The following TCF12 variants were observed in gnomAD, a reference collection of about 807,000 sequenced individuals.
TCF12 encodes the protein DNA-binding protein HTF4.
Under a neutral mutation model 86.0 loss-of-function variants are expected in TCF12, and 45 were observed. That is an observed-to-expected ratio of 0.52 (90% CI 0.41 to 0.67). The LOEUF (loss-of-function observed/expected upper bound fraction) is 0.67. Ranked by LOEUF, TCF12 falls within the 30% of genes least tolerant of loss-of-function variation. TCF12 has a pLI of 0.00. For synonymous variants in TCF12, 330 were observed against 299.6 expected, an observed-to-expected ratio of 1.10 and a Z score of -1.05; for missense variants, 881 against 859.9, an observed-to-expected ratio of 1.02 and a Z score of -0.31.
chr15:57,081,569 ACT>A (rs2070661193), intron 4 of TCF12, among the ~76,000 whole-genome samples: 2 of 151,994 alleles, frequency 1.3e-5, no homozygotes, highest in Non-Finnish European at 2.9e-5. Context: ...TTGGAGCCTC[ACT>A]CTGTCACCCA....
intron 4 of TCF12, among the ~76,000 whole-genome samples, chr15:57,077,859 A>G (rs2070267660): frequency 6.6e-6 from 1 of 152,086 alleles, no homozygotes; most frequent in South Asian, 2.1e-4. Context: ...AAGATTGTGA[A>G]TAATATTTTC....
intron 12 of TCF12, among the ~76,000 whole-genome samples, chr15:57,240,356 G>A (rs773784838): frequency 6.6e-6 from 1 of 152,168 alleles, no homozygotes; most frequent in South Asian, 2.1e-4. Context: ...TGAAGAATAC[G>A]AAAGAAGGAG....
chr15:56,923,015 A>G (rs780499700), intron 3 of TCF12, among the ~76,000 whole-genome samples: 2 of 152,074 alleles, frequency 1.3e-5, no homozygotes, highest in Non-Finnish European at 2.9e-5. Context: ...ATTTGCAGCT[A>G]TTAAGGAGCT....
At chr15:57,015,480 G>A (rs2065101874) in intron 3 of TCF12, among the ~76,000 whole-genome samples, 1 of 152,106 alleles carries the variant, frequency 6.6e-6, no homozygotes, top group Non-Finnish European at 1.5e-5. Context: ...CATTTTTGTA[G>A]CCATTGCTCA....
At chr15:57,221,548 A>C (rs2151867760) in intron 8 of TCF12, among the ~76,000 whole-genome samples, 1 of 151,134 alleles carries the variant, frequency 6.6e-6, no homozygotes, top group African/African-American at 2.4e-5. Context: ...GGAGGGGGGT[A>C]GGGGGAGCTT....
chr15:57,007,249 C>T (rs377733754), intron 3 of TCF12, among the ~76,000 whole-genome samples: 2 of 152,258 alleles, frequency 1.3e-5, no homozygotes, highest in East Asian at 1.9e-4. Context: ...AGGTTATTTC[C>T]TTATCTACCA....
At chr15:57,125,119 T>A (rs2051543982) in intron 5 of TCF12, among the ~76,000 whole-genome samples, 1 of 152,146 alleles carries the variant, frequency 6.6e-6, no homozygotes, top group African/African-American at 2.4e-5. Context: ...CAGATCCCAC[T>A]GAGGACAGAT....
chr15:56,919,855 C>T (rs747832842), intron 1 of TCF12, 37 bp from the exon 2 acceptor site: 3 of 1,589,684 alleles, frequency 1.9e-6, no homozygotes, highest in Non-Finnish European at 2.6e-6. Context: ...CTTTGGGCCT[C>T]GGTGGTCTCT....
chr15:57,173,596 T>C (rs1334987866), intron 6 of TCF12, among the ~76,000 whole-genome samples: 1 of 152,122 alleles, frequency 6.6e-6, no homozygotes, highest in East Asian at 1.9e-4. Context: ...AAGAATATAA[T>C]AAATATTATA....
At chr15:56,991,107 T>A (rs952604990) in intron 3 of TCF12, among the ~76,000 whole-genome samples, 4 of 152,154 alleles carry the variant, frequency 2.6e-5, no homozygotes, top group Admixed American at 1.3e-4. Context: ...GTCTTCAGAT[T>A]TGTTAACAAA....
intron 3 of TCF12, among the ~76,000 whole-genome samples, chr15:57,017,853 A>G (rs2065244201): frequency 6.6e-6 from 1 of 150,734 alleles, no homozygotes; most frequent in African/African-American, 2.4e-5. Context: ...ATACATGTAT[A>G]TTTCTTCTTC....
chr15:57,193,258 T>C (rs1232916370), intron 7 of TCF12, among the ~76,000 whole-genome samples: 2 of 152,234 alleles, frequency 1.3e-5, no homozygotes, highest in Admixed American at 1.3e-4. Context: ...CACTCCACTT[T>C]GTTTTTAATT....
intron 5 of TCF12, among the ~76,000 whole-genome samples, chr15:57,117,905 A>G (rs998468039): frequency 1.3e-5 from 2 of 152,080 alleles, no homozygotes. Context: ...TTTATATTTC[A>G]ATAGTCTGTC....
chr15:57,044,811 C>T (rs982058636), intron 3 of TCF12, among the ~76,000 whole-genome samples: 9 of 151,946 alleles, frequency 5.9e-5, no homozygotes, highest in African/African-American at 2.2e-4. Context: ...CATACAAATA[C>T]ATGTTTTGAG....
At chr15:57,099,285 C>T (rs1467686953) in intron 5 of TCF12, among the ~76,000 whole-genome samples, 1 of 152,128 alleles carries the variant, frequency 6.6e-6, no homozygotes, top group East Asian at 1.9e-4. Flanking sequence ...CTGAGAGAGA[C>T]CGAAGTAATA....
At chr15:57,073,640 A>T (rs1166926544) in intron 4 of TCF12, among the ~76,000 whole-genome samples, 2 of 152,364 alleles carry the variant, frequency 1.3e-5, no homozygotes, top group South Asian at 2.1e-4. Context: ...TCTCTAAATT[A>T]CTTTCCCTTT....
At chr15:57,140,599 G>C (rs2052890434) in intron 5 of TCF12, among the ~76,000 whole-genome samples, 1 of 152,196 alleles carries the variant, frequency 6.6e-6, no homozygotes, top group African/African-American at 2.4e-5. Context: ...AGGGCTTGCT[G>C]ATTACAAAGT....
At chr15:57,034,699 A>G (rs1246084522) in intron 3 of TCF12, among the ~76,000 whole-genome samples, 3 of 152,146 alleles carry the variant, frequency 2.0e-5, no homozygotes, top group Non-Finnish European at 2.9e-5. Context: ...TATTGTCTCT[A>G]TTTTACATAT....
intron 6 of TCF12, among the ~76,000 whole-genome samples, chr15:57,175,938 T>C (rs531948695): frequency 6.7e-6 from 1 of 150,090 alleles, no homozygotes; most frequent in African/African-American, 2.5e-5. Context: ...TAAACCTTGG[T>C]AGATAAATGC....
Sources: allele counts gnomAD v4.1 joint callset (sites outside exome capture counted in the v4.1 genomes callset), GRCh38; gene constraint gnomAD v4.1.1; transcripts MANE v1.5; gene names NCBI Gene and HGNC (gene_info 2026-07-23, HGNC 2026-07-21).